Variants in NSG2 observed in about 807,000 individuals in gnomAD.
The protein encoded by NSG2 is neuronal vesicle trafficking associated 2.
A neutral mutation model predicts 16.9 loss-of-function variants in NSG2; 4 were observed. The observed-to-expected ratio is 0.24, with a 90% CI of 0.12 to 0.54. The LOEUF (loss-of-function observed/expected upper bound fraction) is 0.54, where lower values mean the gene tolerates loss of function less well. NSG2 is among the 20% of genes least tolerant of loss of function. The probability of loss-of-function intolerance (pLI) is 0.95; values close to 1 mark genes in which losing one functional copy is unlikely to be tolerated. For synonymous variants in NSG2, 98 were observed against 88.7 expected (o/e 1.11, Z -0.59); for missense variants, 179 against 221.1 (o/e 0.81, Z 1.21).
chr5:174,078,735 A>G (rs1375300470), intron 3 of NSG2, among the ~76,000 whole-genome samples: 1 of 152,120 alleles, frequency 6.6e-6, no homozygotes, highest in Admixed American at 6.5e-5. Flanking sequence ...AGGCCCCAAG[A>G]AGCTTGATCT....
intron 3 of NSG2, among the ~76,000 whole-genome samples, chr5:174,065,324 T>A (rs1170465732): frequency 1.4e-5 from 2 of 142,112 alleles, no homozygotes; most frequent in Non-Finnish European, 3.0e-5. Context: ...CAAGACTCCG[T>A]CTCAAAAAAA....
chr5:174,069,786 C>G (rs893081536), intron 3 of NSG2, among the ~76,000 whole-genome samples: 1 of 151,764 alleles, frequency 6.6e-6, no homozygotes, highest in East Asian at 1.9e-4. Context: ...CAAGGGGTAG[C>G]CAGTTCATTG....
chr5:174,090,341 T>C (rs73806554), intron 3 of NSG2, among the ~76,000 whole-genome samples: 4,374 of 152,262 alleles, frequency 0.029, 67 homozygotes, highest in Non-Finnish European at 0.035. Flanking sequence ...CCCGCAGCAG[T>C]TTCAGAGGCG....
chr5:174,049,368 A>C (rs563870143), intron 2 of NSG2, among the ~76,000 whole-genome samples: 5 of 150,272 alleles, frequency 3.3e-5, no homozygotes, highest in South Asian at 2.1e-4. Flanking sequence ...AACAAACAAA[A>C]AAACAAACTA....
chr5:174,056,865 T>G (rs916607250), intron 2 of NSG2, among the ~76,000 whole-genome samples: 2 of 152,248 alleles, frequency 1.3e-5, no homozygotes, highest in Admixed American at 6.5e-5. Flanking sequence ...ATTTTAAATT[T>G]TTATGATCTG....
intron 1 of NSG2, 152 bp from the exon 2 acceptor site, chr5:174,046,582 A>C: frequency 1.6e-6 from 1 of 623,470 alleles, no homozygotes; most frequent in Non-Finnish European, 2.7e-6. Flanking sequence ...AATGGGAATC[A>C]TGTCTGGAAA....
chr5:174,048,192 A>G (rs547790798), intron 2 of NSG2, among the ~76,000 whole-genome samples: 1 of 152,350 alleles, frequency 6.6e-6, no homozygotes, highest in South Asian at 2.1e-4. Context: ...AAGGGGCAAT[A>G]TTAATAGAGT....
chr5:174,052,918 C>A (rs918090157), intron 2 of NSG2, among the ~76,000 whole-genome samples: 3 of 152,188 alleles, frequency 2.0e-5, no homozygotes, highest in Non-Finnish European at 4.4e-5. Context: ...GCGCTCTGGG[C>A]AAACGCTTCT....
At chr5:174,050,516 G>C in intron 2 of NSG2, among the ~76,000 whole-genome samples, 1 of 152,168 alleles carries the variant, frequency 6.6e-6, no homozygotes, top group Admixed American at 6.5e-5. Flanking sequence ...GGACAATATA[G>C]TGGCCTGCCT....
chr5:174,059,861 G>A (rs180812475), intron 2 of NSG2, among the ~76,000 whole-genome samples: 3 of 152,284 alleles, frequency 2.0e-5, no homozygotes. Flanking sequence ...AGACCTACAA[G>A]GCTTCTTTCA....
chr5:174,051,399 C>T (rs1301022007), intron 2 of NSG2, among the ~76,000 whole-genome samples: 1 of 152,158 alleles, frequency 6.6e-6, no homozygotes, highest in Admixed American at 6.5e-5. Flanking sequence ...GCCCTTCTGG[C>T]TCCTTTGCTT....
intron 3 of NSG2, among the ~76,000 whole-genome samples, chr5:174,085,198 T>C (rs1180467872): frequency 6.6e-6 from 1 of 152,198 alleles, no homozygotes. Context: ...CCAACATTTA[T>C]GGGAGCTTTA....
chr5:174,084,361 T>C (rs1229018492), intron 3 of NSG2, among the ~76,000 whole-genome samples: 1 of 152,192 alleles, frequency 6.6e-6, no homozygotes, highest in African/African-American at 2.4e-5. Context: ...ATACTTAGCA[T>C]AGGTTTATCA....
chr5:174,083,587 A>G (rs2113457385), intron 3 of NSG2, among the ~76,000 whole-genome samples: 1 of 152,296 alleles, frequency 6.6e-6, no homozygotes, highest in African/African-American at 2.4e-5. Flanking sequence ...TGCTCATGAA[A>G]TTCAGGAGCT....
chr5:174,095,840 C>T (rs929936617), intron 3 of NSG2, among the ~76,000 whole-genome samples: 3 of 152,200 alleles, frequency 2.0e-5, no homozygotes, highest in Admixed American at 2.0e-4. Flanking sequence ...CAGGGATTCC[C>T]CTGTCCTCTT....
intron 3 of NSG2, among the ~76,000 whole-genome samples, chr5:174,092,741 G>C (rs1202159556): frequency 6.6e-6 from 1 of 152,094 alleles, no homozygotes; most frequent in Non-Finnish European, 1.5e-5. Flanking sequence ...CACTGATTTA[G>C]AGCCATTGTG....
chr5:174,049,558 C>T (rs999350855), intron 2 of NSG2, among the ~76,000 whole-genome samples: 1 of 152,194 alleles, frequency 6.6e-6, no homozygotes, highest in Non-Finnish European at 1.5e-5. Flanking sequence ...TTTACAGAAG[C>T]TGAGACACAG....
At chr5:174,050,011 C>T (rs1417990623) in intron 2 of NSG2, among the ~76,000 whole-genome samples, 1 of 152,106 alleles carries the variant, frequency 6.6e-6, no homozygotes, top group African/African-American at 2.4e-5. Flanking sequence ...TGGCTAAGAA[C>T]TTGGAGGGTA....
chr5:174,048,021 C>T (rs1759828918), intron 2 of NSG2, among the ~76,000 whole-genome samples: 2 of 152,246 alleles, frequency 1.3e-5, no homozygotes, highest in African/African-American at 2.4e-5. Context: ...TGCTGATTGG[C>T]CAGAGGTTGA....
Sources: gnomAD v4.1 joint callset for allele counts (sites outside exome capture counted in the v4.1 genomes callset) on GRCh38, gnomAD v4.1.1 for gene constraint, MANE v1.5 for transcripts, NCBI Gene and HGNC (gene_info 2026-07-23, HGNC 2026-07-21) for gene names.